The following CSNK1G2 variants were observed in gnomAD, a reference collection of about 807,000 sequenced individuals.
The protein encoded by CSNK1G2 is casein kinase 1 gamma 2.
CSNK1G2 carries 11 observed loss-of-function variants against 48.0 expected under a neutral mutation model. The observed-to-expected ratio is 0.23, with a 90% CI of 0.14 to 0.38. The LOEUF (loss-of-function observed/expected upper bound fraction) is 0.38, where lower values mean the gene tolerates loss of function less well. Ranked by LOEUF, CSNK1G2 falls within the 10% of genes least tolerant of loss-of-function variation. The probability of loss-of-function intolerance (pLI) is 1.00; values close to 1 mark genes in which losing one functional copy is unlikely to be tolerated. For synonymous variants in CSNK1G2, 337 were observed against 254.1 expected, an observed-to-expected ratio of 1.33 and a Z score of -3.10; for missense variants, 446 against 595.5, an observed-to-expected ratio of 0.75 and a Z score of 2.61.
At chr19:1,961,241 TGTGGAGGGGC>T (rs1384592489) in intron 1 of CSNK1G2, among the ~76,000 whole-genome samples, 2 of 152,180 alleles carry the variant, frequency 1.3e-5, no homozygotes, top group Admixed American at 6.5e-5. Context: ...CTCTCATGGC[TGTGGAGGGGC>T]GTGGAGGGGG....
intron 1 of CSNK1G2, chr19:1,952,963 C>T (rs535541050): frequency 6.0e-5 from 26 of 435,824 alleles, no homozygotes; most frequent in Admixed American, 5.1e-4. Context: ...GGCTCCCACA[C>T]GATGAGGGGA....
intron 1 of CSNK1G2, among the ~76,000 whole-genome samples, chr19:1,960,148 C>T (rs933896052): frequency 7.2e-5 from 11 of 152,204 alleles, no homozygotes; most frequent in Non-Finnish European, 5.9e-5. Context: ...CGAATGTCTG[C>T]GTCAGCACAG....
At chr19:1,954,422 C>T (rs777319572) in intron 1 of CSNK1G2, 12 of 180,552 alleles carry the variant, frequency 6.6e-5, no homozygotes, top group Non-Finnish European at 1.3e-4. Flanking sequence ...GGTCAGAGGG[C>T]AGGGCCGGCC....
chr19:1,978,938 CG>C lies in CSNK1G2; in HGVS notation c.531del (p.Thr178ProfsTer35). 1 of 1,601,884 alleles carries C rather than the reference CG, an allele frequency of 6.2e-7. No homozygotes were observed. ...CCCGAGAACTTCCTGGTGGGCCGCC[CG>C]GGGACCAAGCGGCAGCATGCCATCC... ...VKPENFLVGR[P>X]GTKRQHAIHI... On this transcript the variant is annotated frameshift_variant, in exon 6 of 12. Coordinates refer to ENST00000255641, the MANE Select transcript of CSNK1G2 (RefSeq NM_001319.7). LOFTEE classifies it high-confidence loss of function. This position sits in a 1 kb window ranked among gnomAD's most constrained non-coding sequence, Gnocchi z 7.3.
chr19:1,947,319 G>A (rs943850572), intron 1 of CSNK1G2, among the ~76,000 whole-genome samples: 5 of 152,200 alleles, frequency 3.3e-5, no homozygotes, highest in African/African-American at 7.2e-5. Flanking sequence ...GGTGGGACCC[G>A]CCCTCCTTAG....
At chr19:1,948,350 C>T (rs954116186) in intron 1 of CSNK1G2, among the ~76,000 whole-genome samples, 18 of 152,098 alleles carry the variant, frequency 1.2e-4, no homozygotes, top group Admixed American at 7.2e-4. Context: ...AGTGAAACCC[C>T]GTCTCTACTA....
At chr19:1,979,278 G>T (rs1236082030) in intron 7 of CSNK1G2, 30 bp downstream of exon 7, 1 of 1,570,144 alleles carries the variant, frequency 6.4e-7, no homozygotes, top group Admixed American at 1.9e-5. Context: ...AGGCGGGCGG[G>T]GACGCAGGGC....
At chr19:1,948,732 C>T (rs780233391) in intron 1 of CSNK1G2, among the ~76,000 whole-genome samples, 2 of 152,154 alleles carry the variant, frequency 1.3e-5, no homozygotes, top group Non-Finnish European at 2.9e-5. Flanking sequence ...GGGTTTAGGG[C>T]AGCAGCCCCT....
intron 1 of CSNK1G2, 101 bp downstream of exon 1, chr19:1,941,519 ACTGCCCTC>A (rs941827456): frequency 1.4e-5 from 1 of 71,212 alleles, no homozygotes; most frequent in Non-Finnish European, 2.6e-5. Flanking sequence ...CTCGGTGTCC[ACTGCCCTC>A]CTGCGCCCTG....
chr19:1,955,493 CCGCGGGG>C (rs1239984395), intron 1 of CSNK1G2, among the ~76,000 whole-genome samples: 27 of 147,438 alleles, frequency 1.8e-4, no homozygotes, highest in South Asian at 8.3e-4. Context: ...AGGCGAGGCT[CCGCGGGG>C]TGGGCGTGTG....
At chr19:1,962,034 T>A (rs112503865) in intron 1 of CSNK1G2, among the ~76,000 whole-genome samples, 1,756 of 152,050 alleles carry the variant, frequency 0.012, 30 homozygotes, top group African/African-American at 0.041. Flanking sequence ...ACACGCAAAT[T>A]AAAATTACAC....
chr19:1,975,033 C>T (rs2015705453), intron 2 of CSNK1G2: 1 of 980,632 alleles, frequency 1.0e-6, no homozygotes. Flanking sequence ...CTGCCACACC[C>T]ACCCAGCACA....
In CSNK1G2 at chr19:1,979,966, C is replaced by G; in HGVS notation, c.1142C>G (p.Ser381Cys). ...LNADDPTAGHSNAPITAPAEV... is the reference protein window; with the variant it reads ...LNADDPTAGHCNAPITAPAEV... ...GCGGACGACCCCACGGCCGGCCACT[C>G]CAACGCCCCGATCACAGCGCCTGCA... The change falls in exon 11 of 12, where the codon TCC becomes TGC. Residue 381 changes from serine (S) to cysteine (C), a missense_variant. Physicochemically the swap from Ser to Cys is moderately radical, Grantham distance 112. This residue lies in a region of CSNK1G2 where 188 missense variants were observed against 179.6 expected (regional missense o/e 1.05). Coordinates refer to ENST00000255641, the MANE Select transcript of CSNK1G2 (RefSeq NM_001319.7). 1 of 1,594,656 alleles carries G rather than the reference C, an allele frequency of 6.3e-7. No individual in the cohort carries two copies. Among genetic ancestry groups the G allele is most frequent in the East Asian group, 2.2e-5 (1 of 44,640 alleles).
Position 1,978,551 on chromosome 19 carries a change from G to T in CSNK1G2, c.298+40G>T. ...GCGGGTGGGGCGGGGGCTGCGCAGG[G>T]GCAGGGAGGGGGCTGCCGCCGCACG... On this transcript the variant is annotated intron_variant, in intron 4 of 11. Coordinates refer to ENST00000255641, the MANE Select transcript of CSNK1G2 (RefSeq NM_001319.7). The surrounding 1 kb of genome is among the most constrained non-coding windows in gnomAD (Gnocchi z 7.3). 6.4e-7 allele frequency: 1 copy of T among 1,568,640 alleles called. No individual in the cohort carries two copies. The highest frequency in any genetic ancestry group is 1.2e-5 in the South Asian group (1 of 86,450).
At chr19:1,974,050 G>C (rs1044439656) in intron 2 of CSNK1G2, among the ~76,000 whole-genome samples, 1 of 152,004 alleles carries the variant, frequency 6.6e-6, no homozygotes, top group Non-Finnish European at 1.5e-5. Flanking sequence ...ACCACACCCA[G>C]CTAATTTTTG....
chr19:1,976,320 CAGCCCT>C (rs545236758), intron 2 of CSNK1G2, among the ~76,000 whole-genome samples: 1 of 152,112 alleles, frequency 6.6e-6, no homozygotes, highest in Non-Finnish European at 1.5e-5. Context: ...CTGGAGAGAC[CAGCCCT>C]GGTCCCGGGC....
Position 1,978,410 on chromosome 19 carries a change from G to C in CSNK1G2, c.229-32G>C. 2 of 1,611,410 alleles carry C rather than the reference G, an allele frequency of 1.2e-6. No individual in the cohort carries two copies. Among genetic ancestry groups the C allele is most frequent in the Non-Finnish European group, 1.7e-6 (2 of 1,179,128 alleles). Reference sequence around the variant, plus strand: ...CCCAGGGATTTCAGGGCAGCGACCCGGTCCCCTGGTGACTCGCTCTTGTGC... The same window carrying C: ...CCCAGGGATTTCAGGGCAGCGACCCCGTCCCCTGGTGACTCGCTCTTGTGC... On this transcript the variant is annotated intron_variant, in intron 3 of 11. Transcript: ENST00000255641. The surrounding 1 kb of genome is among the most constrained non-coding windows in gnomAD (Gnocchi z 7.3).
rs368035059 is a variant in CSNK1G2 at position 1,979,914 on chromosome 19, T to C, written c.1090T>C (p.Leu364=). 4 of 1,607,648 alleles carry C rather than the reference T, an allele frequency of 2.5e-6. No homozygotes were observed. Among genetic ancestry groups the C allele is most frequent in the Non-Finnish European group, 3.4e-6 (4 of 1,177,322 alleles). The change falls in exon 11 of 12, where the codon TTG becomes CTG. Residue 364 remains leucine, a synonymous_variant. Coordinates refer to ENST00000255641, the MANE Select transcript of CSNK1G2 (RefSeq NM_001319.7). The stretch of plus-strand genomic sequence containing the variant: ...GACCCCCTACTGCCCCCACCAGGCG[T>C]TGAACTCCACCAACGGGGAGCTGAA... The part of the protein sequence containing the change: ...KTQPHSKNQA[L]NSTNGELNAD...
At chr19:1,960,793 G>T (rs2015172272) in intron 1 of CSNK1G2, among the ~76,000 whole-genome samples, 1 of 152,210 alleles carries the variant, frequency 6.6e-6, no homozygotes, top group Non-Finnish European at 1.5e-5. Context: ...GGAGGCCGAG[G>T]TAGGACAATC....
Sources: allele counts gnomAD v4.1 joint callset (sites outside exome capture counted in the v4.1 genomes callset), GRCh38; gene constraint gnomAD v4.1.1; regional missense constraint gnomAD v4.1.1; non-coding constraint Gnocchi (gnomAD v3.1); transcripts MANE v1.5; gene names NCBI Gene and HGNC (gene_info 2026-07-23, HGNC 2026-07-21).